The following CCDC85A variants were observed in gnomAD, a reference collection of about 807,000 sequenced individuals.
CCDC85A encodes coiled-coil domain-containing protein 85A.
In CCDC85A, 38 loss-of-function variants were observed where a neutral mutation model predicts 50.2. That is an observed-to-expected ratio of 0.76 (90% CI 0.58 to 0.99). CCDC85A has a LOEUF of 0.99. Ranked by LOEUF, CCDC85A falls within the 50% of genes least tolerant of loss-of-function variation. The probability of loss-of-function intolerance (pLI) is 0.00; values close to 1 mark genes in which losing one functional copy is unlikely to be tolerated. For synonymous variants in CCDC85A, 366 were observed against 301.4 expected (o/e 1.21, Z -2.22); for missense variants, 820 against 742.0 (o/e 1.11, Z -1.22).
chr2:56,245,277 G>C (rs1185502824), intron 2 of CCDC85A, among the ~76,000 whole-genome samples: 1 of 152,206 alleles, frequency 6.6e-6, no homozygotes, highest in Non-Finnish European at 1.5e-5. Context: ...CTTCTTTCCA[G>C]GGCTGGTCTA....
At chr2:56,320,738 T>C (rs541168344) in intron 2 of CCDC85A, among the ~76,000 whole-genome samples, 35 of 152,312 alleles carry the variant, frequency 2.3e-4, no homozygotes, top group African/African-American at 7.5e-4. Context: ...CCATTCCTTC[T>C]GAAACTATTC....
intron 2 of CCDC85A, among the ~76,000 whole-genome samples, chr2:56,250,220 C>T (rs1480287168): frequency 6.6e-6 from 1 of 151,932 alleles, no homozygotes; most frequent in African/African-American, 2.4e-5. Flanking sequence ...TTTGGTAAGC[C>T]CACTTAAAAT....
At chr2:56,372,153 G>A (rs1441485430) in intron 3 of CCDC85A, among the ~76,000 whole-genome samples, 191 bp from the exon 4 acceptor site, 1 of 152,116 alleles carries the variant, frequency 6.6e-6, no homozygotes, top group Non-Finnish European at 1.5e-5. Context: ...ACTTAAATCA[G>A]GATTAGGTCT....
chr2:56,310,211 G>A (rs189275952), intron 2 of CCDC85A, among the ~76,000 whole-genome samples: 7 of 152,266 alleles, frequency 4.6e-5, no homozygotes, highest in Admixed American at 3.9e-4. Context: ...TCATGACCGT[G>A]TTGACTGATG....
chr2:56,328,174 A>G (rs1252268853), intron 2 of CCDC85A, among the ~76,000 whole-genome samples: 2 of 152,158 alleles, frequency 1.3e-5, no homozygotes, highest in Non-Finnish European at 2.9e-5. Flanking sequence ...GATGAAGAAG[A>G]ATGAGAAAAG....
chr2:56,244,332 C>T (rs1244794918), intron 2 of CCDC85A, among the ~76,000 whole-genome samples: 2 of 152,126 alleles, frequency 1.3e-5, no homozygotes, highest in Non-Finnish European at 2.9e-5. Context: ...GGAATCACTG[C>T]CTATGCCTAC....
chr2:56,193,990 C>G (rs993503219), intron 2 of CCDC85A, among the ~76,000 whole-genome samples: 1 of 152,174 alleles, frequency 6.6e-6, no homozygotes, highest in Admixed American at 6.5e-5. Context: ...CTGACTTTAC[C>G]TTAAGGATTT....
intron 2 of CCDC85A, among the ~76,000 whole-genome samples, chr2:56,334,721 T>C (rs1673988655): frequency 6.6e-6 from 1 of 152,208 alleles, no homozygotes; most frequent in African/African-American, 2.4e-5. Flanking sequence ...TTCTGATTAT[T>C]GGAAAGCTAT....
intron 2 of CCDC85A, among the ~76,000 whole-genome samples, chr2:56,222,006 A>G (rs1668348166): frequency 6.6e-6 from 1 of 152,024 alleles, no homozygotes; most frequent in South Asian, 2.1e-4. Context: ...CTCCTTTTAT[A>G]ATTAACCCAC....
At chr2:56,338,371 A>G (rs1674185496) in intron 2 of CCDC85A, among the ~76,000 whole-genome samples, 1 of 152,172 alleles carries the variant, frequency 6.6e-6, no homozygotes, top group Non-Finnish European at 1.5e-5. Context: ...CCGGGAGATC[A>G]CCTTATATTA....
intron 2 of CCDC85A, among the ~76,000 whole-genome samples, chr2:56,234,122 G>A (rs898212619): frequency 6.6e-6 from 1 of 152,146 alleles, no homozygotes; most frequent in Non-Finnish European, 1.5e-5. Flanking sequence ...ATTTAAAATA[G>A]AGGATATCTG....
intron 2 of CCDC85A, among the ~76,000 whole-genome samples, chr2:56,304,554 G>A (rs1484553320): frequency 6.6e-6 from 1 of 152,086 alleles, no homozygotes. Context: ...GAAGAACTGT[G>A]GGACGGGACC....
intron 2 of CCDC85A, among the ~76,000 whole-genome samples, chr2:56,289,178 G>A (rs2104137050): frequency 6.6e-6 from 1 of 152,250 alleles, no homozygotes; most frequent in Non-Finnish European, 1.5e-5. Flanking sequence ...GCTGACTTCA[G>A]ATTCAGATTA....
chr2:56,293,968 G>A (rs1573194408), intron 2 of CCDC85A, among the ~76,000 whole-genome samples: 2 of 152,114 alleles, frequency 1.3e-5, no homozygotes, highest in African/African-American at 2.4e-5. Flanking sequence ...TACACCCAAA[G>A]GAATATAAAT....
At chr2:56,318,202 A>G (rs943692945) in intron 2 of CCDC85A, among the ~76,000 whole-genome samples, 1 of 152,048 alleles carries the variant, frequency 6.6e-6, no homozygotes, top group East Asian at 1.9e-4. Context: ...TGTGTTCTCT[A>G]TTTAAAAAAT....
At chr2:56,364,900 A>T (rs1455412158) in intron 3 of CCDC85A, among the ~76,000 whole-genome samples, 1 of 152,162 alleles carries the variant, frequency 6.6e-6, no homozygotes, top group Non-Finnish European at 1.5e-5. Context: ...ACTTCATCCC[A>T]GGTAGTCTGG....
At chr2:56,383,823 T>C in intron 5 of CCDC85A, 1 of 882,548 alleles carries the variant, frequency 1.1e-6, no homozygotes, top group Non-Finnish European at 1.4e-6. Context: ...GGAACCAGGA[T>C]GATCTTGCCA....
chr2:56,251,585 G>T (rs2103993775), intron 2 of CCDC85A, among the ~76,000 whole-genome samples: 1 of 152,078 alleles, frequency 6.6e-6, no homozygotes, highest in African/African-American at 2.4e-5. Context: ...GTTGGTGGTG[G>T]CAGGGTCTGT....
intron 3 of CCDC85A, among the ~76,000 whole-genome samples, chr2:56,347,752 T>C (rs1352693380): frequency 1.3e-5 from 2 of 152,214 alleles, no homozygotes; most frequent in Non-Finnish European, 2.9e-5. Context: ...GTTACAGTCA[T>C]GGTTTTAAAA....
Sources: allele counts gnomAD v4.1 joint callset (sites outside exome capture counted in the v4.1 genomes callset), GRCh38; gene constraint gnomAD v4.1.1; transcripts MANE v1.5; gene names NCBI Gene and HGNC (gene_info 2026-07-23, HGNC 2026-07-21).